Variants in LRMDA observed in about 807,000 individuals in gnomAD.
LRMDA encodes leucine-rich melanocyte differentiation-associated protein.
Under a neutral mutation model 29.8 loss-of-function variants are expected in LRMDA, and 18 were observed. The ratio of observed to expected loss-of-function variants is 0.60; its 90% confidence interval spans 0.42 to 0.90. The LOEUF (loss-of-function observed/expected upper bound fraction) is 0.90, where lower values mean the gene tolerates loss of function less well. LRMDA is among the 40% of genes least tolerant of loss of function. The probability of loss-of-function intolerance (pLI) is 0.00; values close to 1 mark genes in which losing one functional copy is unlikely to be tolerated. For missense variants in LRMDA, 273 were observed against 273.9 expected, an observed-to-expected ratio of 1.00 and a Z score of 0.02; for synonymous variants, 125 against 109.4, an observed-to-expected ratio of 1.14 and a Z score of -0.89.
intron 2 of LRMDA, among the ~76,000 whole-genome samples, chr10:75,899,580 T>A (rs1256127993): frequency 6.6e-6 from 1 of 152,236 alleles, no homozygotes; most frequent in African/African-American, 2.4e-5. Flanking sequence ...ATGCGGGGCC[T>A]GTGATCTAGC....
At chr10:75,770,115 A>G (rs549031251) in intron 2 of LRMDA, among the ~76,000 whole-genome samples, 20 of 152,090 alleles carry the variant, frequency 1.3e-4, no homozygotes, top group African/African-American at 4.8e-4. Context: ...AGATGGCAAG[A>G]CACCATCTTT....
chr10:75,438,767 C>T (rs1403697372), intron 2 of LRMDA, among the ~76,000 whole-genome samples: 1 of 152,186 alleles, frequency 6.6e-6, no homozygotes, highest in African/African-American at 2.4e-5. Context: ...GTCATATTTT[C>T]ACTGTGTTCT....
chr10:75,870,417 T>C (rs1845090722), intron 2 of LRMDA, among the ~76,000 whole-genome samples: 1 of 152,220 alleles, frequency 6.6e-6, no homozygotes, highest in South Asian at 2.1e-4. Flanking sequence ...AATTAAGAAG[T>C]GAGTCACAGG....
Position 76,426,363 on chromosome 10 carries a change from C to A in LRMDA, c.601+101878C>A, listed in dbSNP as rs532283622. On this transcript the variant is annotated intron_variant, in intron 6 of 6. Transcript: ENST00000611255. Reference sequence around the variant, plus strand: ...TTCTCTGATGGCCAGTGATGATGAGCATTTTTTCATGTGTCTGTTGGCTGC... The same window carrying A: ...TTCTCTGATGGCCAGTGATGATGAGAATTTTTTCATGTGTCTGTTGGCTGC... Among the ~76,000 whole-genome samples the A allele has an allele frequency of 5.2e-3, 787 of 152,298 alleles. 8 individuals carry two copies. The highest frequency in any genetic ancestry group is 0.018 in the African/African-American group (765 of 41,558).
At chr10:75,968,291 C>G (rs575214059) in intron 2 of LRMDA, among the ~76,000 whole-genome samples, 1 of 151,996 alleles carries the variant, frequency 6.6e-6, no homozygotes, top group Non-Finnish European at 1.5e-5. Context: ...GATCTGTGCC[C>G]CAGCAGCATG....
At chr10:76,422,559 C>G (rs1012489170) in intron 6 of LRMDA, among the ~76,000 whole-genome samples, 4 of 152,134 alleles carry the variant, frequency 2.6e-5, no homozygotes, top group African/African-American at 9.7e-5. Flanking sequence ...ACATAAAAAG[C>G]TAAGCCTCTT....
chr10:76,281,223 C>T (rs1840199837), intron 5 of LRMDA, among the ~76,000 whole-genome samples: 2 of 152,160 alleles, frequency 1.3e-5, no homozygotes, highest in African/African-American at 4.8e-5. Context: ...AGATAAAAAT[C>T]TGGAAAGTGG....
chr10:75,823,425 C>T (rs536371804), intron 2 of LRMDA, among the ~76,000 whole-genome samples: 3 of 152,192 alleles, frequency 2.0e-5, no homozygotes, highest in South Asian at 4.2e-4. Flanking sequence ...TTCCAACAGT[C>T]AGAATGGCCA....
intron 2 of LRMDA, among the ~76,000 whole-genome samples, chr10:75,558,374 G>A (rs1197139027): frequency 6.6e-6 from 1 of 151,820 alleles, no homozygotes; most frequent in Non-Finnish European, 1.5e-5. Context: ...AATTTGCACT[G>A]GATAACATAA....
intron 6 of LRMDA, among the ~76,000 whole-genome samples, chr10:76,445,178 T>C (rs1842342393): frequency 6.6e-6 from 1 of 152,114 alleles, no homozygotes. Context: ...GTAGCTGATA[T>C]AGGATAATTT....
chr10:75,789,819 C>T (rs182705770), intron 2 of LRMDA, among the ~76,000 whole-genome samples: 167 of 152,204 alleles, frequency 1.1e-3, no homozygotes, highest in Middle Eastern at 3.4e-3. Flanking sequence ...TTGATTAATA[C>T]GAGTCTTTGC....
intron 5 of LRMDA, among the ~76,000 whole-genome samples, chr10:76,164,383 C>A (rs554204919): frequency 6.6e-6 from 1 of 152,136 alleles, no homozygotes; most frequent in Non-Finnish European, 1.5e-5. Context: ...TGAGTAGTCT[C>A]GAGAAAGACA....
At chr10:76,089,834 A>C (rs765160117) in intron 5 of LRMDA, among the ~76,000 whole-genome samples, 36 of 152,330 alleles carry the variant, frequency 2.4e-4, no homozygotes, top group Admixed American at 5.2e-4. Context: ...GGATATGAAA[A>C]GTCAAACTGT....
At chr10:75,704,432 T>C (rs570346576) in intron 2 of LRMDA, among the ~76,000 whole-genome samples, 5 of 152,334 alleles carry the variant, frequency 3.3e-5, no homozygotes, top group African/African-American at 1.2e-4. Flanking sequence ...AACCCAAACA[T>C]ACCTCAAATG....
chr10:76,290,375 T>G (rs1423170728), intron 5 of LRMDA, among the ~76,000 whole-genome samples: 1 of 151,268 alleles, frequency 6.6e-6, no homozygotes, highest in East Asian at 2.0e-4. Flanking sequence ...CTTATGACAA[T>G]CTTATAAGTA....
intron 6 of LRMDA, among the ~76,000 whole-genome samples, chr10:76,507,116 C>A (rs1159368891): frequency 6.6e-6 from 1 of 151,586 alleles, no homozygotes; most frequent in Non-Finnish European, 1.5e-5. Flanking sequence ...TATTTTGTGT[C>A]TTTTTGATAA....
chr10:76,224,345 G>A (rs1851909728), intron 5 of LRMDA, among the ~76,000 whole-genome samples: 1 of 151,958 alleles, frequency 6.6e-6, no homozygotes, highest in African/African-American at 2.4e-5. Context: ...ACCAAGGCAG[G>A]CAGATTGCTT....
chr10:76,152,295 C>T (rs1850460441), intron 5 of LRMDA, among the ~76,000 whole-genome samples: 1 of 152,138 alleles, frequency 6.6e-6, no homozygotes, highest in Non-Finnish European at 1.5e-5. Context: ...TGTCTGGCTT[C>T]TTTCATTTGG....
chr10:75,895,140 T>G (rs1845561098), intron 2 of LRMDA, among the ~76,000 whole-genome samples: 1 of 152,206 alleles, frequency 6.6e-6, no homozygotes, highest in Non-Finnish European at 1.5e-5. Flanking sequence ...ATCCTTTATG[T>G]GACCTTACTC....
Sources: gnomAD v4.1 joint callset for allele counts (sites outside exome capture counted in the v4.1 genomes callset) on GRCh38, gnomAD v4.1.1 for gene constraint, MANE v1.5 for transcripts, NCBI Gene and HGNC (gene_info 2026-07-23, HGNC 2026-07-21) for gene names.